GDPD3: variants seen among roughly 807,000 people sequenced by gnomAD.
The protein encoded by GDPD3 is lysophospholipase D GDPD3.
A neutral mutation model predicts 43.7 loss-of-function variants in GDPD3; 40 were observed. The observed-to-expected ratio is 0.91, with a 90% CI of 0.71 to 1.19. The LOEUF (loss-of-function observed/expected upper bound fraction) is 1.19, where lower values mean the gene tolerates loss of function less well. GDPD3 is among the 50% of genes most tolerant of loss of function. The pLI is 0.00. For missense variants in GDPD3, 363 were observed against 415.8 expected, an observed-to-expected ratio of 0.87 and a Z score of 1.11; for synonymous variants, 145 against 162.9, an observed-to-expected ratio of 0.89 and a Z score of 0.84.
In GDPD3 at chr16:30,109,110, G is replaced by A. The variant is rs567321905; in HGVS notation, c.708-678C>T. ...CTCCCAAAGTGCTGGGATTACAGGC[G>A]TGAGCCACCGTGCCCGGCCATTAAA... On this transcript the variant is annotated intron_variant, in intron 7 of 9. Transcript: ENST00000406256. Among the ~76,000 whole-genome samples the A allele has an allele frequency of 4.0e-4, 61 of 152,198 alleles. No individual in the cohort carries two copies. The South Asian group carries it at 8.9e-3, about 22-fold the overall frequency.
intron 9 of GDPD3, 195 bp downstream of exon 9, chr16:30,108,014 CACAG>C (rs1396190239): frequency 1.5e-4 from 79 of 524,146 alleles, no homozygotes; most frequent in African/African-American, 8.6e-4. Flanking sequence ...CACACACACA[CACAG>C]AAGAAGAAAA....
At position 30,112,990 on chromosome 16, in the gene GDPD3, A is replaced by G. The variant is rs183129319; in HGVS notation, c.182+32T>C. 54 of 1,606,304 alleles carry G rather than the reference A, an allele frequency of 3.4e-5. No homozygotes were observed. Among genetic ancestry groups the G allele is most frequent in the Admixed American group, 5.0e-5 (3 of 59,794 alleles). ...CAGTCCACGACCTGCACACCCTCAC[A>G]TGGCAGCCTGGGCAGGGGCAGATAC... On this transcript the variant is annotated intron_variant, in intron 2 of 9. Coordinates refer to ENST00000406256, the MANE Select transcript of GDPD3 (RefSeq NM_024307.3). This position sits in a 1 kb window ranked among gnomAD's most constrained non-coding sequence, Gnocchi z 5.4.
chr16:30,113,381 C>G lies in GDPD3; in HGVS notation c.98G>C (p.Arg33Thr). 1 of 1,611,610 alleles carries G rather than the reference C, an allele frequency of 6.2e-7. No homozygotes were observed. The highest frequency in any genetic ancestry group is 8.5e-7 in the Non-Finnish European group (1 of 1,178,560). The change falls in exon 1 of 10, where the codon AGG becomes ACG. Residue 33 changes from arginine to threonine, a missense_variant. Coordinates refer to ENST00000406256, the MANE Select transcript of GDPD3 (RefSeq NM_024307.3). This position sits in a 1 kb window ranked among gnomAD's most constrained non-coding sequence, Gnocchi z 5.9. ...LRRPHLLHTP[R>T]APTFRIRLGA... ...CAGGCGGATGCGGAAGGTGGGAGCC[C>G]TGGGCGTGTGCAGCAGATGAGGCCG... is the stretch of plus-strand genomic sequence containing the variant.
chr16:30,109,203 C>T (rs2072883089), intron 7 of GDPD3, among the ~76,000 whole-genome samples: 1 of 152,166 alleles, frequency 6.6e-6, no homozygotes, highest in Non-Finnish European at 1.5e-5. Context: ...CTCAAGCAAT[C>T]CTCCCGCTTC....
At chr16:30,106,358 T>G (rs1225256777) in intron 9 of GDPD3, among the ~76,000 whole-genome samples, 1 of 151,956 alleles carries the variant, frequency 6.6e-6, no homozygotes, top group Non-Finnish European at 1.5e-5. Context: ...ACCAGGAAAA[T>G]TAATCCTCAA....
chr16:30,105,961 A>C (rs2072857979), intron 9 of GDPD3, among the ~76,000 whole-genome samples: 1 of 150,930 alleles, frequency 6.6e-6, no homozygotes, highest in Non-Finnish European at 1.5e-5. Context: ...AAACAGAAAA[A>C]TTAGCTGGGC....
At chr16:30,108,651 T>C (rs1460916445) in intron 7 of GDPD3, among the ~76,000 whole-genome samples, 1 of 151,618 alleles carries the variant, frequency 6.6e-6, no homozygotes, top group African/African-American at 2.4e-5. Context: ...CCAGTCACCA[T>C]TCACCAGATA....
At chr16:30,108,021 G>T in intron 9 of GDPD3, 192 bp downstream of exon 9, 1 of 528,124 alleles carries the variant, frequency 1.9e-6, no homozygotes, top group African/African-American at 2.0e-5. Context: ...ACACACAGAA[G>T]AAGAAAATTG....
intron 7 of GDPD3, among the ~76,000 whole-genome samples, chr16:30,109,273 T>C (rs2151040643): frequency 1.3e-5 from 2 of 152,300 alleles, no homozygotes; most frequent in South Asian, 4.1e-4. Flanking sequence ...GGCTCACACC[T>C]GTAATCGCAG....
rs554199731 is a variant in GDPD3 at position 30,105,008 on chromosome 16, A to G, written c.821T>C (p.Val274Ala). The G allele has an allele frequency of 6.2e-7, 1 of 1,604,288 alleles. No homozygotes were observed. Among genetic ancestry groups the G allele is most frequent in the East Asian group, 2.2e-5 (1 of 44,686 alleles). The change falls in exon 10 of 10, where the codon GTG becomes GCG. Residue 274 changes from valine to alanine, a missense_variant and splice_region_variant. Coordinates refer to ENST00000406256, the MANE Select transcript of GDPD3 (RefSeq NM_024307.3). Reference sequence around the variant, plus strand: ...CTCTTCATTAAGGCACCAAAAGACCACCTGAGCAGGGAGGGAGGGGGCCTG... The same window carrying G: ...CTCTTCATTAAGGCACCAAAAGACCGCCTGAGCAGGGAGGGAGGGGGCCTG... ...IRHLEERGVQVVFWCLNEESD... is the reference protein window; with the variant it reads ...IRHLEERGVQAVFWCLNEESD...
rs549898215 is a variant in GDPD3, at chr16:30,112,780, G to A, written c.196C>T (p.Arg66Cys). 1.6e-5 allele frequency: 26 copies of A among 1,608,994 alleles called. No homozygotes were observed. Among genetic ancestry groups the A allele is most frequent in the African/African-American group, 1.5e-4 (11 of 74,972 alleles). Reference protein sequence around the residue: ...MEAMENSMAQRSDLLELDCQL... With the variant: ...MEAMENSMAQCSDLLELDCQL... ...CAGTCGAGCTCCAGGAGGTCCGAGCGCTGGGCCATGGAGCTGTGGGGGTGA... is the reference window on the plus strand; with the variant it reads ...CAGTCGAGCTCCAGGAGGTCCGAGCACTGGGCCATGGAGCTGTGGGGGTGA... Residue 66 changes from arginine (R) to cysteine (C), a missense_variant, in exon 3 of 10, where the codon CGC (arginine) becomes TGC (cysteine). By Grantham distance (180) the Arg-to-Cys change is radical. Coordinates refer to ENST00000406256, the MANE Select transcript of GDPD3 (RefSeq NM_024307.3). The surrounding 1 kb of genome is among the most constrained non-coding windows in gnomAD (Gnocchi z 5.4).
chr16:30,109,720 G>A (rs948539444), intron 7 of GDPD3, among the ~76,000 whole-genome samples: 6 of 152,058 alleles, frequency 3.9e-5, no homozygotes, highest in South Asian at 2.1e-4. Flanking sequence ...CAGGAGAATC[G>A]CTTGAATCTG....
intron 9 of GDPD3, among the ~76,000 whole-genome samples, chr16:30,106,952 G>A (rs911747079): frequency 4.6e-5 from 7 of 151,658 alleles, no homozygotes; most frequent in African/African-American, 7.3e-5. Context: ...TAGTTGATCC[G>A]CTGGCCTTGG....
In GDPD3 at chr16:30,111,504, CAG is replaced by C. The variant is rs765359511; in HGVS notation, c.589_590del (p.Leu197ValfsTer26). The C allele has an allele frequency of 2.0e-5, 32 of 1,613,812 alleles. No homozygotes were observed. Among genetic ancestry groups the C allele is most frequent in the Non-Finnish European group, 1.8e-5 (21 of 1,179,930 alleles). On this transcript the variant is annotated frameshift_variant, in exon 7 of 10. Transcript: ENST00000406256. LOFTEE classifies it high-confidence loss of function. ...AGAATCCTCGGCTTATTGTGAAGGA[CAG>C]GGGCATCTCGGGGTTCTGGGGAGGC... is the stretch of plus-strand genomic sequence containing the variant. ...KCKAANPEMP[L>X]SFTISRGFWV...
chr16:30,108,171 T>C, intron 9 of GDPD3, 42 bp downstream of exon 9: 1 of 1,533,910 alleles, frequency 6.5e-7, no homozygotes, highest in Non-Finnish European at 8.8e-7. Flanking sequence ...GGAACCCTGC[T>C]GCCAGGTCTG....
Position 30,104,867 on chromosome 16 carries a change from T to C in GDPD3, c.*5A>G. 1 of 1,612,222 alleles carries C rather than the reference T, an allele frequency of 6.2e-7. No individual in the cohort carries two copies. The highest frequency in any genetic ancestry group is 8.5e-7 in the Non-Finnish European group (1 of 1,179,850). ...GAGAAACAGGAGACCTCGAGGCTTC[T>C]GGACTTAGGAGGTCCGGGCAGCTGG... On this transcript the variant is annotated 3_prime_UTR_variant, in exon 10 of 10. Transcript: ENST00000406256.
intron 7 of GDPD3, chr16:30,111,063 G>A (rs2072895166): frequency 5.2e-6 from 1 of 192,514 alleles, no homozygotes; most frequent in Non-Finnish European, 1.1e-5. Flanking sequence ...CAGACTGTAA[G>A]CTCACCAAGG....
chr16:30,108,082 T>A (rs1382612623), intron 9 of GDPD3, 131 bp downstream of exon 9: 9 of 672,158 alleles, frequency 1.3e-5, no homozygotes, highest in Non-Finnish European at 1.0e-5. Context: ...AATATACCAT[T>A]TTCCCATTTT....
chr16:30,108,079 C>A (rs2072872632), intron 9 of GDPD3, 134 bp downstream of exon 9: 3 of 652,104 alleles, frequency 4.6e-6, no homozygotes, highest in Non-Finnish European at 7.9e-6. Context: ...TTAAATATAC[C>A]ATTTTCCCAT....
Sources: allele counts gnomAD v4.1 joint callset (sites outside exome capture counted in the v4.1 genomes callset), GRCh38; gene constraint gnomAD v4.1.1; non-coding constraint Gnocchi (gnomAD v3.1); transcripts MANE v1.5; gene names NCBI Gene and HGNC (gene_info 2026-07-23, HGNC 2026-07-21).